Variants in TAB2 observed in about 807,000 individuals in gnomAD.
TAB2 encodes TGF-beta activated kinase 1 (MAP3K7) binding protein 2, also known as TGF-beta-activated kinase 1 and MAP3K7-binding protein 2.
Under a neutral mutation model 65.0 loss-of-function variants are expected in TAB2, and 3 were observed. The observed-to-expected ratio is 0.05, with a 90% CI of 0.02 to 0.12. TAB2 has a LOEUF of 0.12. TAB2 is among the 10% of genes least tolerant of loss of function. TAB2 has a pLI of 1.00. For missense variants in TAB2, 623 were observed against 840.3 expected, an observed-to-expected ratio of 0.74 and a Z score of 3.20; for synonymous variants, 298 against 285.1, an observed-to-expected ratio of 1.05 and a Z score of -0.46.
chr6:149,256,225 TATATA>T (rs1778030814), intron 1 of TAB2, among the ~76,000 whole-genome samples: 1 of 152,250 alleles, frequency 6.6e-6, no homozygotes, highest in South Asian at 2.1e-4. Flanking sequence ...CTTAAAATAT[TATATA>T]ATAACTTCAT....
chr6:149,385,500 A>G (rs1160042646), intron 3 of TAB2, among the ~76,000 whole-genome samples: 4 of 152,244 alleles, frequency 2.6e-5, no homozygotes, highest in Non-Finnish European at 5.9e-5. Flanking sequence ...TGTCTCTAAA[A>G]TAACAATAAT....
chr6:149,254,535 C>T (rs952877012), intron 1 of TAB2, among the ~76,000 whole-genome samples: 4 of 152,072 alleles, frequency 2.6e-5, no homozygotes, highest in Non-Finnish European at 4.4e-5. Context: ...AGTGTTCAGG[C>T]ATAAGGCTCA....
intron 3 of TAB2, among the ~76,000 whole-genome samples, chr6:149,381,569 CTTTTTTTT>C (rs557951574): frequency 1.0e-5 from 1 of 95,582 alleles, no homozygotes; most frequent in Non-Finnish European, 2.0e-5. Context: ...CCCTCCTATT[CTTTTTTTT>C]TTTTTTTTTT....
intron 1 of TAB2, among the ~76,000 whole-genome samples, chr6:149,238,707 G>A (rs1456772373): frequency 6.6e-6 from 1 of 152,318 alleles, no homozygotes; most frequent in Middle Eastern, 3.4e-3. Context: ...GACCTGAAGA[G>A]CAAAGCCTGC....
At chr6:149,387,290 T>C (rs187700295) in intron 3 of TAB2, among the ~76,000 whole-genome samples, 2 of 152,304 alleles carry the variant, frequency 1.3e-5, no homozygotes, top group East Asian at 3.9e-4. Flanking sequence ...TTCTATATCA[T>C]GGCATGAAGT....
chr6:149,248,455 A>AGGAAGGAAG (rs1777782503), intron 1 of TAB2, among the ~76,000 whole-genome samples: 16 of 56,536 alleles, frequency 2.8e-4, no homozygotes, highest in East Asian at 1.1e-3. Flanking sequence ...AAGGAAGAAA[A>AGGAAGGAAG]GAAGGAAGGA....
At chr6:149,398,638 G>A (rs1301557630) in intron 5 of TAB2, among the ~76,000 whole-genome samples, 4 of 152,042 alleles carry the variant, frequency 2.6e-5, no homozygotes, top group Non-Finnish European at 5.9e-5. Context: ...AAAAGTTGGT[G>A]CTGTTCTAGA....
intron 1 of TAB2, among the ~76,000 whole-genome samples, chr6:149,363,127 A>G (rs943403831): frequency 3.9e-5 from 6 of 152,196 alleles, no homozygotes; most frequent in Admixed American, 6.5e-5. Context: ...TTATAGGGGG[A>G]AAATGTAATA....
At chr6:149,355,051 T>C (rs2114815845) in intron 1 of TAB2, among the ~76,000 whole-genome samples, 1 of 152,332 alleles carries the variant, frequency 6.6e-6, no homozygotes, top group East Asian at 1.9e-4. Flanking sequence ...AGGATTCCCC[T>C]CACCAAGTGA....
At chr6:149,240,352 C>T (rs1777574980) in intron 1 of TAB2, among the ~76,000 whole-genome samples, 1 of 152,134 alleles carries the variant, frequency 6.6e-6, no homozygotes, top group Non-Finnish European at 1.5e-5. Context: ...GCCGTGGTGG[C>T]AGGTTCCTCC....
At chr6:149,379,654 T>C in intron 3 of TAB2, 136 bp downstream of exon 3, 1 of 786,912 alleles carries the variant, frequency 1.3e-6, no homozygotes, top group Non-Finnish European at 2.2e-6. Context: ...ATTGTAACAT[T>C]TGAGAGTATT....
intron 1 of TAB2, among the ~76,000 whole-genome samples, chr6:149,343,209 C>T (rs1299607894): frequency 6.6e-6 from 1 of 152,154 alleles, no homozygotes; most frequent in African/African-American, 2.4e-5. Flanking sequence ...GTTAATGAAA[C>T]TACTTCCCTC....
At chr6:149,300,275 G>C (rs557296637) in intron 1 of TAB2, among the ~76,000 whole-genome samples, 4 of 152,122 alleles carry the variant, frequency 2.6e-5, no homozygotes, top group Non-Finnish European at 5.9e-5. Context: ...TTGTATGTTT[G>C]ATTCTAATAA....
rs1249950589 is a variant in TAB2, at chr6:149,379,514, A to T, written c.1599A>T (p.Thr533=). 1.2e-6 allele frequency: 2 copies of T among 1,613,932 alleles called. No homozygotes were observed. Among genetic ancestry groups the T allele is most frequent in the Admixed American group, 3.3e-5 (2 of 59,996 alleles). The change falls in exon 3 of 7, where the codon ACA becomes ACT. Residue 533 remains threonine (T), a synonymous_variant. Transcript: ENST00000637181. ...TGGGATCTGATGATGCTGCCTACAC[A>T]CAAGGTAATATGAATACTAAAGGTG... is the stretch of plus-strand genomic sequence containing the variant. The part of the protein sequence containing the change: ...LSMGSDDAAY[T]QALLVHQKAR...
At chr6:149,389,807 G>C (rs1781924867) in intron 3 of TAB2, among the ~76,000 whole-genome samples, 1 of 152,052 alleles carries the variant, frequency 6.6e-6, no homozygotes, top group South Asian at 2.1e-4. Flanking sequence ...TCTTAATGCT[G>C]TAAGATTACA....
At chr6:149,352,664 G>A (rs1431666769) in intron 1 of TAB2, among the ~76,000 whole-genome samples, 1 of 152,068 alleles carries the variant, frequency 6.6e-6, no homozygotes, top group Non-Finnish European at 1.5e-5. Context: ...TTCATTTACT[G>A]TGTTATCAAC....
At chr6:149,231,216 C>T (rs1777399113) in intron 1 of TAB2, among the ~76,000 whole-genome samples, 1 of 152,148 alleles carries the variant, frequency 6.6e-6, no homozygotes, top group Non-Finnish European at 1.5e-5. Context: ...GAAATGTGGA[C>T]AATGATTCCA....
chr6:149,324,005 A>G (rs1779528145), intron 1 of TAB2, among the ~76,000 whole-genome samples: 1 of 152,194 alleles, frequency 6.6e-6, no homozygotes, highest in East Asian at 1.9e-4. Context: ...GTGGCTTCAG[A>G]AAGGAAGTCT....
chr6:149,311,372 G>C (rs999019592), intron 1 of TAB2, among the ~76,000 whole-genome samples: 14 of 152,170 alleles, frequency 9.2e-5, no homozygotes, highest in Admixed American at 7.9e-4. Context: ...CCTCTCCTGT[G>C]ATCTTCTCCT....
Sources: gnomAD v4.1 joint callset for allele counts (sites outside exome capture counted in the v4.1 genomes callset) on GRCh38, gnomAD v4.1.1 for gene constraint, MANE v1.5 for transcripts, NCBI Gene and HGNC (gene_info 2026-07-23, HGNC 2026-07-21) for gene names.